PDE1C: variants seen among roughly 807,000 people sequenced by gnomAD.
The protein encoded by PDE1C is dual specificity calcium/calmodulin-dependent 3',5'-cyclic nucleotide phosphodiesterase 1C.
A neutral mutation model predicts 93.1 loss-of-function variants in PDE1C; 62 were observed. The observed-to-expected ratio is 0.67, with a 90% CI of 0.54 to 0.82. The LOEUF (loss-of-function observed/expected upper bound fraction) is 0.82. Among genes scored for constraint, PDE1C ranks in the 40% least tolerant of loss-of-function variants. PDE1C has a pLI of 0.00. For missense variants in PDE1C, 742 were observed against 884.6 expected (o/e 0.84, Z 2.04); for synonymous variants, 325 against 310.1 (o/e 1.05, Z -0.50).
At chr7:31,749,776 C>T (rs1269330699), downstream of PDE1C, among the ~76,000 whole-genome samples, 6 of 132,460 alleles carry the variant, frequency 4.5e-5, no homozygotes, top group Admixed American at 9.1e-5. Context: ...CTCACTCTGT[C>T]GCACAGGCTG....
chr7:31,649,764 G>A, the PDE1C span, among the ~76,000 whole-genome samples: 4 of 152,180 alleles, frequency 2.6e-5, no homozygotes, highest in Admixed American at 1.3e-4. Flanking sequence ...AAAGGGGATA[G>A]CTGGTAAGAA....
intron 2 of PDE1C, among the ~76,000 whole-genome samples, chr7:31,934,827 A>G (rs1804813606): frequency 6.6e-6 from 1 of 152,140 alleles, no homozygotes; most frequent in African/African-American, 2.4e-5. Context: ...CTTTTATAGG[A>G]TCTCTGTGGG....
chr7:31,948,901 GT>G (rs1386311818), intron 2 of PDE1C, among the ~76,000 whole-genome samples: 13 of 152,280 alleles, frequency 8.5e-5, no homozygotes, highest in Admixed American at 3.9e-4. Flanking sequence ...AAGTTGTGCA[GT>G]TTGCTGGAAA....
chr7:32,173,446 AC>A (rs1802780224), intron 2 of PDE1C, among the ~76,000 whole-genome samples: 1 of 152,148 alleles, frequency 6.6e-6, no homozygotes, highest in Non-Finnish European at 1.5e-5. Context: ...TATGTAACAA[AC>A]CTGCATATTC....
chr7:31,887,266 T>C (rs568817526), intron 2 of PDE1C, among the ~76,000 whole-genome samples: 39 of 152,282 alleles, frequency 2.6e-4, no homozygotes, highest in African/African-American at 7.7e-4. Context: ...GGTTTCCTCA[T>C]TGAGTGAACA....
At chr7:31,847,906 A>G (rs976172822) in intron 9 of PDE1C, 62 bp downstream of exon 9, 21 of 1,565,676 alleles carry the variant, frequency 1.3e-5, no homozygotes, top group Non-Finnish European at 2.6e-6. Context: ...AAAACAGCAT[A>G]CTTCATCCAA....
chr7:31,639,677 C>T, the PDE1C span, among the ~76,000 whole-genome samples: 1 of 152,000 alleles, frequency 6.6e-6, no homozygotes, highest in Admixed American at 6.6e-5. Context: ...TCTGGGACTA[C>T]AGGTGCCTGC....
At chr7:31,961,809 A>C (rs1809032558) in intron 2 of PDE1C, among the ~76,000 whole-genome samples, 1 of 152,234 alleles carries the variant, frequency 6.6e-6, no homozygotes, top group Admixed American at 6.5e-5. Context: ...GGCAAAAACC[A>C]ACACCAATAA....
intron 2 of PDE1C, among the ~76,000 whole-genome samples, chr7:31,896,020 T>TACATACATACAC (rs1466998669): frequency 1.8e-3 from 278 of 151,374 alleles, no homozygotes; most frequent in African/African-American, 6.5e-3. Context: ...CATACATACA[T>TACATACATACAC]ACACACACAA....
intron 2 of PDE1C, among the ~76,000 whole-genome samples, chr7:32,202,273 T>C (rs367805297): frequency 4.1e-4 from 63 of 152,358 alleles, no homozygotes; most frequent in African/African-American, 1.4e-3. Flanking sequence ...TCAAAGACTC[T>C]ATCAAGCACA....
chr7:31,709,303 C>G, the PDE1C span, among the ~76,000 whole-genome samples: 10 of 152,214 alleles, frequency 6.6e-5, no homozygotes, highest in Non-Finnish European at 1.2e-4. Flanking sequence ...CCCTGGAACT[C>G]TCTGAGTCTG....
Position 32,051,544 on chromosome 7 carries a change from A to C in PDE1C, c.128+10T>G. ...AATCAACCAGTTGCAGCTCAGAAAGACGTTCTTACCTCTGGGACGTTTTCT... is the reference window on the plus strand; with the variant it reads ...AATCAACCAGTTGCAGCTCAGAAAGCCGTTCTTACCTCTGGGACGTTTTCT... On this transcript the variant is annotated intron_variant, in intron 2 of 17. Transcript: ENST00000396191. 1.9e-6 allele frequency: 3 copies of C among 1,613,570 alleles called. No individual in the cohort carries two copies. The highest frequency in any genetic ancestry group is 2.5e-6 in the Non-Finnish European group (3 of 1,179,538).
At chr7:31,790,150 G>C in intron 16 of PDE1C, 1 of 1,597,800 alleles carries the variant, frequency 6.3e-7, no homozygotes, top group East Asian at 2.2e-5. Flanking sequence ...TCCAGATATG[G>C]GTCTTTGTGG....
chr7:32,051,630 T>A lies in PDE1C; in HGVS notation c.102-50A>T, dbSNP rs767944857. The A allele has an allele frequency of 1.9e-6, 3 of 1,553,242 alleles. No individual in the cohort carries two copies. In the African/African-American group the frequency reaches 4.1e-5, roughly 21 times the overall value. On this transcript the variant is annotated intron_variant, in intron 1 of 17. Coordinates refer to ENST00000396191, the MANE Select transcript of PDE1C (RefSeq NM_001191057.4). Reference sequence around the variant, plus strand: ...ATCAGAAAAGGGTTGTGGCAGGCAGTGGGTAAGAAAGGGATTACTTCAGTG... The same window carrying A: ...ATCAGAAAAGGGTTGTGGCAGGCAGAGGGTAAGAAAGGGATTACTTCAGTG...
At position 32,324,398 on chromosome 7, in the gene PDE1C, C is replaced by A. The variant is rs533394510; in HGVS notation, c.310+103424G>T. 1.1e-4 allele frequency among the ~76,000 whole-genome samples: 16 copies of A among 152,294 alleles called. No homozygotes were observed. In the East Asian group the frequency reaches 3.1e-3, roughly 29 times the overall value. ...TATTCTAAATTTCCCAGTCGGAGGA[C>A]CCCACTTACCCTAGCAACAAGCTTT... On this transcript the variant is annotated intron_variant, in intron 1 of 1. Transcript: ENST00000672256.
intron 2 of PDE1C, among the ~76,000 whole-genome samples, chr7:32,209,197 T>C (rs2240675): frequency 6.6e-6 from 1 of 151,994 alleles, no homozygotes; most frequent in East Asian, 1.9e-4. Context: ...TGAGGCTTCA[T>C]GGTTCTAAAA....
intron 17 of PDE1C, among the ~76,000 whole-genome samples, chr7:31,757,112 T>C (rs1430287081): frequency 6.6e-6 from 1 of 152,244 alleles, no homozygotes; most frequent in Non-Finnish European, 1.5e-5. Flanking sequence ...TCTTAGAATA[T>C]GCTACTGTGA....
chr7:32,403,408 T>A (rs1784989251), intron 1 of PDE1C, among the ~76,000 whole-genome samples: 2 of 152,220 alleles, frequency 1.3e-5, no homozygotes, highest in African/African-American at 4.8e-5. Flanking sequence ...ACTTAAATCC[T>A]CTGCTTCTCC....
rs1805286486 is a variant in PDE1C, at chr7:32,204,628, C to T, written c.136+4861G>A. On this transcript the variant is annotated intron_variant, in intron 2 of 18. Coordinates refer to the PDE1C transcript ENST00000396193. ...GCCACGTCTGAACACTACATGTGGC[C>T]ACGTCTGAACACTACATGTGGCCTT... Among the ~76,000 whole-genome samples the T allele has an allele frequency of 3.9e-5, 6 of 152,230 alleles. No homozygotes were observed. The South Asian group carries it at 1.2e-3, about 32-fold the overall frequency.
Sources: allele counts gnomAD v4.1 joint callset (sites outside exome capture counted in the v4.1 genomes callset), GRCh38; gene constraint gnomAD v4.1.1; transcripts MANE v1.5; gene names NCBI Gene and HGNC (gene_info 2026-07-23, HGNC 2026-07-21).